PALS1: variants seen among roughly 807,000 people sequenced by gnomAD.
The protein encoded by PALS1 is protein associated with LIN7 1, MAGUK p55 family member, also known as protein PALS1.
Under a neutral mutation model 78.9 loss-of-function variants are expected in PALS1, and 31 were observed. The observed-to-expected ratio is 0.39, with a 90% confidence interval of 0.30 to 0.53. The LOEUF (loss-of-function observed/expected upper bound fraction) is 0.53. Ranked by LOEUF, PALS1 falls within the 20% of genes least tolerant of loss-of-function variation. The pLI, the probability that PALS1 is intolerant of heterozygous loss-of-function variation, is 0.67. For missense variants in PALS1, 704 were observed against 826.5 expected, an observed-to-expected ratio of 0.85 and a Z score of 1.82; for synonymous variants, 276 against 270.9, an observed-to-expected ratio of 1.02 and a Z score of -0.18.
intron 3 of PALS1, among the ~76,000 whole-genome samples, chr14:67,290,558 T>A (rs1016038417): frequency 2.6e-5 from 4 of 152,332 alleles, no homozygotes; most frequent in South Asian, 4.2e-4. Flanking sequence ...TTTGTATTTT[T>A]AAAAATTATT....
Position 67,279,104 on chromosome 14 carries a change from A to T in PALS1, c.-67A>T, listed in dbSNP as rs1003335812. 6.3e-6 allele frequency: 9 copies of T among 1,435,928 alleles called. No individual in the cohort carries two copies. Among genetic ancestry groups the T allele is most frequent in the Non-Finnish European group, 8.3e-6 (9 of 1,082,642 alleles). The allele number at this position is 1,435,928 out of a possible 1,614,324, so 88.9% of individuals were successfully genotyped here. A position where few individuals can be genotyped will look rare whatever the true frequency, so the allele number is the denominator to read the frequency against. On this transcript the variant is annotated 5_prime_UTR_variant, in exon 3 of 15. Coordinates refer to ENST00000261681, the MANE Select transcript of PALS1 (RefSeq NM_022474.4). Reference sequence around the variant, plus strand: ...AAGTAACATGGATTTTATACTACAGAATCAAGAGAATTGGCTTATAGGAAA... The same window carrying T: ...AAGTAACATGGATTTTATACTACAGTATCAAGAGAATTGGCTTATAGGAAA...
intron 1 of PALS1, among the ~76,000 whole-genome samples, chr14:67,250,599 C>T (rs1446978340): frequency 2.6e-5 from 4 of 152,194 alleles, no homozygotes; most frequent in Non-Finnish European, 5.9e-5. Context: ...AACACACACA[C>T]TGTTCATACA....
At chr14:67,319,314 A>G (rs1033222290) in intron 11 of PALS1, among the ~76,000 whole-genome samples, 6 of 152,090 alleles carry the variant, frequency 3.9e-5, no homozygotes, top group African/African-American at 1.4e-4. Flanking sequence ...GCTACTAGTT[A>G]TCTGCTTTTG....
intron 1 of PALS1, among the ~76,000 whole-genome samples, chr14:67,256,994 C>T (rs898513458): frequency 7.2e-5 from 11 of 152,116 alleles, no homozygotes; most frequent in African/African-American, 2.2e-4. Flanking sequence ...CGACAGGTGC[C>T]CAAGGTGATC....
At chr14:67,329,946 A>G (rs1440232143) in intron 14 of PALS1, among the ~76,000 whole-genome samples, 1 of 149,890 alleles carries the variant, frequency 6.7e-6, no homozygotes, top group Non-Finnish European at 1.5e-5. Context: ...CCAGTTATGT[A>G]ATTGTACTCT....
In PALS1 at chr14:67,279,630, G is replaced by C. The variant is rs1295312219; in HGVS notation, c.367+93G>C. The C allele has an allele frequency of 8.8e-6, 11 of 1,245,892 alleles. No individual in the cohort carries two copies. In the Admixed American group the frequency reaches 2.0e-4, roughly 22 times the overall value. 77.2% of individuals were successfully genotyped at this position (1,245,892 alleles called of 1,614,324 possible). A position where few individuals can be genotyped will look rare whatever the true frequency, so the allele number is the denominator to read the frequency against. ...GAGAAGGAAGAGGGTTTAAGAGAAT[G>C]TAAGTAATGACAGTTTGAATTCCAG... On this transcript the variant is annotated intron_variant, in intron 3 of 14. Coordinates refer to ENST00000261681, the MANE Select transcript of PALS1 (RefSeq NM_022474.4).
chr14:67,292,806 A>C, intron 4 of PALS1, 87 bp downstream of exon 4: 2 of 996,644 alleles, frequency 2.0e-6, no homozygotes, highest in Non-Finnish European at 1.5e-6. Context: ...TAATGTGACT[A>C]TAAGATTTGT....
intron 1 of PALS1, chr14:67,241,974 A>T (rs1410220795): frequency 6.6e-6 from 1 of 152,116 alleles, no homozygotes; most frequent in Admixed American, 6.5e-5. Context: ...CCTCTGCCTG[A>T]CTCAGCTGCT....
At chr14:67,325,106 C>A (rs2085331897) in intron 14 of PALS1, among the ~76,000 whole-genome samples, 2 of 151,774 alleles carry the variant, frequency 1.3e-5, no homozygotes, top group South Asian at 4.2e-4. Flanking sequence ...AGGATTTCAC[C>A]ATGTTAGCCA....
At chr14:67,291,656 GCAGA>G (rs2084775895) in intron 3 of PALS1, among the ~76,000 whole-genome samples, 2 of 152,126 alleles carry the variant, frequency 1.3e-5, no homozygotes, top group Non-Finnish European at 2.9e-5. Context: ...ACACTAACAG[GCAGA>G]CACAATGCAC....
At chr14:67,282,678 GTAT>G (rs1298782267) in intron 3 of PALS1, among the ~76,000 whole-genome samples, 1 of 151,900 alleles carries the variant, frequency 6.6e-6, no homozygotes, top group Non-Finnish European at 1.5e-5. Flanking sequence ...TGAATAATTA[GTAT>G]TATAAATGGT....
intron 3 of PALS1, among the ~76,000 whole-genome samples, chr14:67,282,542 T>C (rs1298547762): frequency 6.6e-6 from 1 of 152,136 alleles, no homozygotes; most frequent in Non-Finnish European, 1.5e-5. Flanking sequence ...CAATGTATGA[T>C]AATAAAAGTA....
intron 1 of PALS1, among the ~76,000 whole-genome samples, chr14:67,246,244 C>T (rs1408659854): frequency 6.6e-6 from 1 of 151,660 alleles, no homozygotes. Context: ...CAGGTTCAAG[C>T]AATCCTCCCA....
chr14:67,301,044 A>C (rs1400205972), intron 4 of PALS1, among the ~76,000 whole-genome samples: 2 of 152,106 alleles, frequency 1.3e-5, no homozygotes, highest in East Asian at 3.9e-4. Context: ...CACATAAATG[A>C]TTTAAAAACT....
intron 1 of PALS1, among the ~76,000 whole-genome samples, chr14:67,243,748 G>A (rs183812205): frequency 1.7e-4 from 26 of 151,886 alleles, no homozygotes; most frequent in African/African-American, 6.3e-4. Flanking sequence ...CGCCCGCCTC[G>A]CCCTCCCAAA....
Position 67,315,360 on chromosome 14 carries a change from T to C in PALS1, c.1226-1472T>C, listed in dbSNP as rs187919674. On this transcript the variant is annotated intron_variant, in intron 9 of 14. Transcript: ENST00000261681. ...GGCATGATCTCAGCTCACTGCAAGC[T>C]CCGCCTCCCGGGCTCATGCCCTTCT... is the stretch of plus-strand genomic sequence containing the variant. Among the ~76,000 whole-genome samples the C allele has an allele frequency of 1.8e-4, 25 of 139,066 alleles. No individual in the cohort carries two copies. In the East Asian group the frequency reaches 4.7e-3, roughly 26 times the overall value. The allele number at this position is 139,066 out of a possible 152,430, so 91.2% of individuals were successfully genotyped here.
At chr14:67,290,784 T>A (rs1457030115) in intron 3 of PALS1, among the ~76,000 whole-genome samples, 1 of 151,988 alleles carries the variant, frequency 6.6e-6, no homozygotes, top group African/African-American at 2.4e-5. Context: ...GTCCACCTGC[T>A]TCAGTTTCCC....
chr14:67,311,668 C>T (rs2085091843), intron 8 of PALS1, among the ~76,000 whole-genome samples: 1 of 152,124 alleles, frequency 6.6e-6, no homozygotes, highest in Non-Finnish European at 1.5e-5. Context: ...AAATGGCATA[C>T]AGAATAGCTT....
chr14:67,325,241 CCCTT>C (rs1376077779), intron 14 of PALS1, among the ~76,000 whole-genome samples: 2 of 152,116 alleles, frequency 1.3e-5, no homozygotes, highest in Non-Finnish European at 2.9e-5. Context: ...AACACATTAA[CCCTT>C]CCTCTTCCTC....
Sources: gnomAD v4.1 joint callset for allele counts (sites outside exome capture counted in the v4.1 genomes callset) on GRCh38, gnomAD v4.1.1 for gene constraint, MANE v1.5 for transcripts, NCBI Gene and HGNC (gene_info 2026-07-23, HGNC 2026-07-21) for gene names.